Variants in KCTD17 observed in about 807,000 individuals in gnomAD.
KCTD17 encodes potassium channel tetramerization domain containing 17.
Under a neutral mutation model 41.5 loss-of-function variants are expected in KCTD17, and 20 were observed. The observed-to-expected ratio is 0.48, with a 90% CI of 0.34 to 0.70. The LOEUF (loss-of-function observed/expected upper bound fraction) is 0.70, where lower values mean the gene tolerates loss of function less well. KCTD17 is among the 30% of genes least tolerant of loss of function. The pLI, the probability that KCTD17 is intolerant of heterozygous loss-of-function variation, is 0.01. For missense variants in KCTD17, 317 were observed against 427.2 expected (o/e 0.74, Z 2.27); for synonymous variants, 156 against 173.8 (o/e 0.90, Z 0.80).
At chr22:37,057,139 A>G (rs1925220549) in intron 3 of KCTD17, among the ~76,000 whole-genome samples, 1 of 152,096 alleles carries the variant, frequency 6.6e-6, no homozygotes. Flanking sequence ...TTGGGCAAGT[A>G]ACTGGACCTC....
In KCTD17 at chr22:37,062,506, T is replaced by C. The variant is rs1439330020; in HGVS notation, c.876-19T>C. 2.5e-6 allele frequency: 4 copies of C among 1,588,928 alleles called. No homozygotes were observed. The highest frequency in any genetic ancestry group is 1.4e-5 in the African/African-American group (1 of 73,052). On this transcript the variant is annotated intron_variant, in intron 8 of 8. Transcript: ENST00000403888. ...TCCGCCCCTCCCATCCTCCTGCCCT[T>C]CCCCTCTTTTTTTTCTAGCTGTTAC... is the stretch of plus-strand genomic sequence containing the variant.
At chr22:37,056,465 AG>A in intron 3 of KCTD17, 54 bp downstream of exon 3, 1 of 1,444,524 alleles carries the variant, frequency 6.9e-7, no homozygotes, top group Non-Finnish European at 9.7e-7. Context: ...GGGGAGAGAG[AG>A]GCTGAGAGAC....
rs1358885870 is a variant in KCTD17 at position 37,061,289 on chromosome 22, G to A, written c.784+114G>A. 8.5e-6 allele frequency: 13 copies of A among 1,530,964 alleles called. No individual in the cohort carries two copies. The highest frequency in any genetic ancestry group is 4.9e-5 in the East Asian group (2 of 40,900). 94.8% of individuals were successfully genotyped at this position (1,530,964 alleles called of 1,614,324 possible). On this transcript the variant is annotated intron_variant, in intron 7 of 8. Transcript: ENST00000403888. The surrounding 1 kb of genome is among the most constrained non-coding windows in gnomAD (Gnocchi z 6.6). ...CTCTGCCTGCTCACGCCTCCATCCCGGGTCTGCCCTGGTCCCAGCCTCCCG... is the reference window on the plus strand; with the variant it reads ...CTCTGCCTGCTCACGCCTCCATCCCAGGTCTGCCCTGGTCCCAGCCTCCCG...
intron 1 of KCTD17, 133 bp from the exon 2 acceptor site, chr22:37,052,967 C>T (rs1924668851): frequency 1.4e-6 from 1 of 698,898 alleles, no homozygotes; most frequent in Non-Finnish European, 2.5e-6. Context: ...ACCCCAGTGC[C>T]TTTTTGCTAC....
intron 1 of KCTD17, chr22:37,052,592 T>G (rs1187527672): frequency 2.1e-6 from 1 of 470,936 alleles, no homozygotes; most frequent in Non-Finnish European, 4.4e-6. Flanking sequence ...TGCTGTGGCC[T>G]TTGGCAAGTC....
In KCTD17 at chr22:37,059,342, C is replaced by T. The variant is rs769327426; in HGVS notation, c.516C>T (p.Tyr172=). 37 of 1,613,072 alleles carry T rather than the reference C, an allele frequency of 2.3e-5. No individual in the cohort carries two copies. The highest frequency in any genetic ancestry group is 2.9e-5 in the Non-Finnish European group (34 of 1,179,852). ...TGAACATCGGCTCCTCCTACAACTACGGCAGCGAGGACCAGGCAGAGTTCC... is the reference window on the plus strand; with the variant it reads ...TGAACATCGGCTCCTCCTACAACTATGGCAGCGAGGACCAGGCAGAGTTCC... ...QLVNIGSSYN[Y]GSEDQAEFLC... Residue 172 remains tyrosine, a synonymous_variant, in exon 5 of 9, where the codon TAC becomes TAT. Coordinates refer to ENST00000403888, the MANE Select transcript of KCTD17 (RefSeq NM_001282684.2).
At chr22:37,055,900 G>C (rs1054675059) in intron 2 of KCTD17, among the ~76,000 whole-genome samples, 3 of 152,202 alleles carry the variant, frequency 2.0e-5, no homozygotes, top group Non-Finnish European at 2.9e-5. Context: ...CCTCCTTCTA[G>C]TTCTGAGAAT....
In KCTD17 at chr22:37,062,872, CT is replaced by C; in HGVS notation, c.*280del. The stretch of plus-strand genomic sequence containing the variant: ...CCCCTGCTGCATGGTGGATGTGCTC[CT>C]TCCTGGCCCGGTCACATTGCCTCCT... On this transcript the variant is annotated 3_prime_UTR_variant, in exon 9 of 9. Coordinates refer to ENST00000403888, the MANE Select transcript of KCTD17 (RefSeq NM_001282684.2). 1.7e-6 allele frequency: 1 copy of C among 578,332 alleles called. No homozygotes were observed. The highest frequency in any genetic ancestry group is 2.9e-6 in the Non-Finnish European group (1 of 346,142). The allele number at this position is 578,332 out of a possible 1,614,324, so 35.8% of individuals were successfully genotyped here. A position where few individuals can be genotyped will look rare whatever the true frequency, so the allele number is the denominator to read the frequency against.
In KCTD17 at chr22:37,056,419, G is replaced by T; in HGVS notation, c.390+8G>T. On this transcript the variant is annotated splice_region_variant and intron_variant, in intron 3 of 8. Transcript: ENST00000403888. ...GACTACACGGTCACCCAGGTCGGGA[G>T]CAGGGGCAGCACACACGGCCAGGGC... 6.2e-7 allele frequency: 1 copy of T among 1,610,810 alleles called. No homozygotes were observed. The highest frequency in any genetic ancestry group is 8.5e-7 in the Non-Finnish European group (1 of 1,177,418).
At chr22:37,060,171 C>T (rs1440552445) in intron 5 of KCTD17, among the ~76,000 whole-genome samples, 2 of 152,196 alleles carry the variant, frequency 1.3e-5, no homozygotes, top group Admixed American at 6.5e-5. Flanking sequence ...ACAGAGCAGG[C>T]GTGAACCAGG....
In KCTD17 at chr22:37,061,786, AAGTT is replaced by A. The variant is rs1326770251; in HGVS notation, c.875+160_875+163del. 19 of 985,254 alleles carry A rather than the reference AAGTT, an allele frequency of 1.9e-5. No individual in the cohort carries two copies. In the Admixed American group the frequency reaches 1.1e-3, roughly 57 times the overall value. 61.0% of individuals were successfully genotyped at this position (985,254 alleles called of 1,614,324 possible). On this transcript the variant is annotated intron_variant, in intron 8 of 8. Coordinates refer to ENST00000403888, the MANE Select transcript of KCTD17 (RefSeq NM_001282684.2). The surrounding 1 kb of genome is among the most constrained non-coding windows in gnomAD (Gnocchi z 6.6). ...GGGGTGAGGCTCTGAGAGGAGAAGA[AAGTT>A]AGGGAGTGGGAACTTTCCTACCAGC...
At chr22:37,052,018 C>A in intron 1 of KCTD17, 69 bp downstream of exon 1, 4 of 1,288,468 alleles carry the variant, frequency 3.1e-6, no homozygotes, top group Non-Finnish European at 3.9e-6. Flanking sequence ...GGCTGTCGGG[C>A]CTGGCTCGCC....
intron 3 of KCTD17, 54 bp from the exon 4 acceptor site, chr22:37,057,344 C>A: frequency 7.0e-7 from 1 of 1,428,632 alleles, no homozygotes; most frequent in Non-Finnish European, 9.9e-7. Context: ...CATGCCCCTC[C>A]TGGGGTGCCT....
intron 5 of KCTD17, among the ~76,000 whole-genome samples, chr22:37,060,568 C>G (rs1030586975): frequency 6.6e-6 from 1 of 152,214 alleles, no homozygotes; most frequent in African/African-American, 2.4e-5. Context: ...TCCAGCCTCG[C>G]TCTATGTAAC....
In KCTD17 at chr22:37,060,914, A is replaced by G. The variant is rs1484519169; in HGVS notation, c.704A>G (p.Gln235Arg). The change falls in exon 6 of 9, where the codon CAG (glutamine) becomes CGG (arginine). Residue 235 changes from glutamine (Q) to arginine (R), a missense_variant. Gln to Arg is a conservative substitution (Grantham distance 43). Transcript: ENST00000403888. ...VEQVQVEADAQEKAQSSQDPA... is the reference protein window; with the variant it reads ...VEQVQVEADAREKAQSSQDPA... ...CAGGTGCAGGTGGAGGCAGATGCAC[A>G]GGAGAAAGGTGCAGCCAACCCCCAG... The G allele has an allele frequency of 6.5e-7, 1 of 1,541,476 alleles. No individual in the cohort carries two copies. Among genetic ancestry groups the G allele is most frequent in the Middle Eastern group, 1.7e-4 (1 of 5,934 alleles).
chr22:37,062,653 C>G lies in KCTD17; in HGVS notation c.*59C>G. ...GGGCCTGAGAAGGAAGAAGCACCCT[C>G]TCCCCGGCCTCCTCTGTCTGCACCC... On this transcript the variant is annotated 3_prime_UTR_variant, in exon 9 of 9. Transcript: ENST00000403888. 2 of 1,568,576 alleles carry G rather than the reference C, an allele frequency of 1.3e-6. No homozygotes were observed. Among genetic ancestry groups the G allele is most frequent in the South Asian group, 1.2e-5 (1 of 86,124 alleles).
chr22:37,057,945 CAGTGGCCAGCATTGCAACATGCAGG>C (rs1925339319), intron 4 of KCTD17, among the ~76,000 whole-genome samples: 1 of 152,252 alleles, frequency 6.6e-6, no homozygotes, highest in African/African-American at 2.4e-5. Flanking sequence ...GGGACATGCC[CAGTGGCCAGCATTGCAACATGCAGG>C]GGAGCCCAAA....
In KCTD17 at chr22:37,059,369, G is replaced by A; in HGVS notation, c.543G>A (p.Leu181=). 2 of 1,613,134 alleles carry A rather than the reference G, an allele frequency of 1.2e-6. No individual in the cohort carries two copies. The highest frequency in any genetic ancestry group is 1.7e-4 in the Middle Eastern group (1 of 6,060). Residue 181 remains leucine (L), a synonymous_variant, in exon 5 of 9, where the codon CTG becomes CTA. Coordinates refer to ENST00000403888, the MANE Select transcript of KCTD17 (RefSeq NM_001282684.2). ...GCAGCGAGGACCAGGCAGAGTTCCT[G>A]TGTGTGGTGTCCAAGGAGCTCCACA... ...NYGSEDQAEF[L]CVVSKELHST...
chr22:37,062,297 T>C (rs977395077), intron 8 of KCTD17: 31 of 985,064 alleles, frequency 3.1e-5, no homozygotes, highest in Admixed American at 6.2e-5. Context: ...GATGGGTTAG[T>C]TGGGGAGCCC....
Sources: gnomAD v4.1 joint callset for allele counts (sites outside exome capture counted in the v4.1 genomes callset) on GRCh38, gnomAD v4.1.1 for gene constraint, Gnocchi (gnomAD v3.1) non-coding constraint, MANE v1.5 for transcripts, NCBI Gene and HGNC (gene_info 2026-07-23, HGNC 2026-07-21) for gene names.